SI: variants seen among roughly 807,000 people sequenced by gnomAD.
SI encodes the protein sucrase-isomaltase, intestinal.
A neutral mutation model predicts 253.3 loss-of-function variants in SI; 235 were observed. The ratio of observed to expected loss-of-function variants is 0.93; its 90% CI spans 0.83 to 1.03. SI has a LOEUF of 1.03. Ranked by LOEUF, SI falls within the 50% of genes least tolerant of loss-of-function variation. The probability of loss-of-function intolerance (pLI) is 0.00; values close to 1 mark genes in which losing one functional copy is unlikely to be tolerated. For missense variants in SI, 2,442 were observed against 2,211.1 expected (o/e 1.10, Z -2.09); for synonymous variants, 819 against 712.0 (o/e 1.15, Z -2.39).
intron 37 of SI, among the ~76,000 whole-genome samples, chr3:165,006,492 AT>A (rs1490167527): frequency 6.6e-6 from 1 of 152,172 alleles, no homozygotes; most frequent in African/African-American, 2.4e-5. Flanking sequence ...TTATTAATTC[AT>A]TTATAAATAT....
chr3:165,007,025 T>C, intron 36 of SI, 71 bp from the exon 37 acceptor site: 2 of 1,078,464 alleles, frequency 1.9e-6, no homozygotes, highest in Admixed American at 4.1e-5. Context: ...AACTCATAAT[T>C]ATGTATTCCT....
chr3:165,013,638 G>T (rs1327100056), intron 33 of SI, among the ~76,000 whole-genome samples: 1 of 151,892 alleles, frequency 6.6e-6, no homozygotes, highest in Admixed American at 6.6e-5. Flanking sequence ...GAAAGCTCTG[G>T]AAATTTGGAT....
At chr3:164,983,153 A>G in intron 45 of SI, 102 bp from the exon 46 acceptor site, 3 of 1,121,454 alleles carry the variant, frequency 2.7e-6, no homozygotes, top group South Asian at 1.4e-5. Context: ...AAAAAGTAGC[A>G]AATATTATCA....
chr3:165,084,712 T>C, the SI span, among the ~76,000 whole-genome samples: 1 of 152,012 alleles, frequency 6.6e-6, no homozygotes, highest in Non-Finnish European at 1.5e-5. Context: ...TTCTAGGAAA[T>C]TTATTACAGA....
At chr3:165,018,302 A>ATTCT (rs779733675) in intron 28 of SI, among the ~76,000 whole-genome samples, 14,988 of 150,586 alleles carry the variant, frequency 0.1, 1,077 homozygotes, top group Non-Finnish European at 0.14. Context: ...TATTAATAGA[A>ATTCT]ATTAATATAC....
intron 27 of SI, among the ~76,000 whole-genome samples, chr3:165,020,092 G>C (rs770176896): frequency 1.3e-5 from 2 of 151,474 alleles, no homozygotes; most frequent in Admixed American, 1.3e-4. Flanking sequence ...TTAGTAATGT[G>C]TGACCTAGAA....
At chr3:165,029,780 A>G (rs1312675740) in intron 25 of SI, among the ~76,000 whole-genome samples, 2 of 150,380 alleles carry the variant, frequency 1.3e-5, no homozygotes, top group Non-Finnish European at 3.0e-5. Context: ...CTTTGAATGC[A>G]AAGGGGAATG....
chr3:164,989,389 G>GAAAGAAAGA lies in SI; in HGVS notation c.5108+1963_5108+1964insTCTTTCTTT, dbSNP rs1559978090. On this transcript the variant is annotated intron_variant, in intron 44 of 47. Transcript: ENST00000264382. ...GAAAGAAAGGAAGAAAGAAAGAAAG[G>GAAAGAAAGA]AAGAAAGAAAGAAAGAAAGAAAGAA... is the stretch of plus-strand genomic sequence containing the variant. Among the ~76,000 whole-genome samples, 100 of 59,498 alleles carry GAAAGAAAGA rather than the reference G, an allele frequency of 1.7e-3. 1 individual carries two copies. Among genetic ancestry groups the GAAAGAAAGA allele is most frequent in the East Asian group, 2.9e-3 (5 of 1,698 alleles). The allele number at this position is 59,498 out of a possible 152,430, so 39.0% of individuals were successfully genotyped here.
intron 22 of SI, among the ~76,000 whole-genome samples, chr3:165,035,268 G>T (rs1404628069): frequency 6.6e-6 from 1 of 151,738 alleles, no homozygotes; most frequent in Non-Finnish European, 1.5e-5. Context: ...AAGGACTACT[G>T]GTAAAGAATA....
Position 165,015,240 on chromosome 3 carries a change from T to G in SI, c.3889-7A>C. ...TTCCTGAAATTGCTGGATCCTAAAA[T>G]TAAAATGAAATATAAACAAGGTACA... is the stretch of plus-strand genomic sequence containing the variant. On this transcript the variant is annotated splice_polypyrimidine_tract_variant and splice_region_variant and intron_variant, in intron 32 of 47. Coordinates refer to ENST00000264382, the MANE Select transcript of SI (RefSeq NM_001041.4). 1 of 1,598,034 alleles carries G rather than the reference T, an allele frequency of 6.3e-7. No homozygotes were observed.
At chr3:165,040,848 T>C in intron 18 of SI, 92 bp downstream of exon 18, 4 of 1,004,392 alleles carry the variant, frequency 4.0e-6, no homozygotes, top group South Asian at 2.7e-5. Flanking sequence ...AGAAGTTTAA[T>C]TGATATCTTG....
In SI at chr3:165,046,896, T is replaced by C; in HGVS notation, c.1832A>G (p.Gln611Arg). ...WLGDNTASWE[Q>R]MEWSITGMLE... ...CATTCCAGTTATAGACCATTCCATTTGTTCCCATGAAGCAGTATTGTCTCC... is the reference window on the plus strand; with the variant it reads ...CATTCCAGTTATAGACCATTCCATTCGTTCCCATGAAGCAGTATTGTCTCC... Residue 611 changes from glutamine to arginine, a missense_variant, in exon 16 of 48, where the codon CAA (glutamine) becomes CGA (arginine). Gln to Arg is a conservative substitution (Grantham distance 43). Coordinates refer to ENST00000264382, the MANE Select transcript of SI (RefSeq NM_001041.4). The C allele has an allele frequency of 6.2e-7, 1 of 1,613,358 alleles. No individual in the cohort carries two copies. The highest frequency in any genetic ancestry group is 8.5e-7 in the Non-Finnish European group (1 of 1,179,566).
intron 23 of SI, 133 bp downstream of exon 23, chr3:165,033,262 C>A (rs1369916102): frequency 2.5e-5 from 16 of 630,786 alleles, no homozygotes; most frequent in Non-Finnish European, 3.7e-5. Flanking sequence ...TTTAATTGAA[C>A]AATTTATTTC....
the SI span, among the ~76,000 whole-genome samples, chr3:165,085,248 T>C: frequency 6.6e-6 from 1 of 152,120 alleles, no homozygotes; most frequent in Non-Finnish European, 1.5e-5. Context: ...GGAATAATAT[T>C]TGTTAATTAA....
At chr3:165,039,746 A>G in intron 19 of SI, 141 bp downstream of exon 19, 1 of 679,202 alleles carries the variant, frequency 1.5e-6, no homozygotes, top group Non-Finnish European at 2.7e-6. Flanking sequence ...AATTTGTGTC[A>G]CATCGTAGAA....
chr3:164,988,909 CCAGA>C (rs1419679688), intron 44 of SI, among the ~76,000 whole-genome samples: 2 of 151,842 alleles, frequency 1.3e-5, no homozygotes, highest in Non-Finnish European at 2.9e-5. Flanking sequence ...AAGGGCCTGG[CCAGA>C]CAATCAGTTA....
At chr3:165,006,180 C>A (rs1287814259) in intron 37 of SI, among the ~76,000 whole-genome samples, 2 of 152,200 alleles carry the variant, frequency 1.3e-5, no homozygotes, top group Non-Finnish European at 2.9e-5. Context: ...ACAATCTTGG[C>A]TCACTGCAAC....
At chr3:164,996,872 A>G (rs550813094) in intron 38 of SI, 100 bp from the exon 39 acceptor site, 2 of 607,966 alleles carry the variant, frequency 3.3e-6, no homozygotes, top group African/African-American at 1.9e-5. Flanking sequence ...TTTAATATCA[A>G]CCTCCAAACC....
At chr3:165,040,888 G>A in intron 18 of SI, 52 bp downstream of exon 18, 1 of 1,449,400 alleles carries the variant, frequency 6.9e-7, no homozygotes, top group African/African-American at 1.4e-5. Flanking sequence ...TTCTGTGTAT[G>A]TTTGAACATA....
Sources: allele counts gnomAD v4.1 joint callset (sites outside exome capture counted in the v4.1 genomes callset), GRCh38; gene constraint gnomAD v4.1.1; transcripts MANE v1.5; gene names NCBI Gene and HGNC (gene_info 2026-07-23, HGNC 2026-07-21).